NOP14: variants seen among roughly 807,000 people sequenced by gnomAD.
NOP14 encodes NOP14 nucleolar protein.
Under a neutral mutation model 101.6 loss-of-function variants are expected in NOP14, and 57 were observed. The observed-to-expected ratio is 0.56, with a 90% CI of 0.45 to 0.70. NOP14 has a LOEUF of 0.70. Ranked by LOEUF, NOP14 falls within the 30% of genes least tolerant of loss-of-function variation. The pLI is 0.00. For missense variants in NOP14, 1,134 were observed against 1,075.5 expected (o/e 1.05, Z -0.76); for synonymous variants, 428 against 424.0 (o/e 1.01, Z -0.12).
At chr4:2,946,867 C>T (rs544996638) in intron 10 of NOP14, 5 of 354,734 alleles carry the variant, frequency 1.4e-5, no homozygotes, top group South Asian at 1.4e-4. Flanking sequence ...TTATTCCTCA[C>T]GACAGGTACT....
intron 8 of NOP14, 79 bp from the exon 9 acceptor site, chr4:2,948,487 C>T (rs1714808704): frequency 8.6e-7 from 1 of 1,162,354 alleles, no homozygotes; most frequent in Non-Finnish European, 1.1e-6. Flanking sequence ...TGGAGTCTCG[C>T]TCTGTTGCCC....
chr4:2,949,853 G>T, intron 8 of NOP14, 81 bp downstream of exon 8: 1 of 1,527,676 alleles, frequency 6.5e-7, no homozygotes, highest in Non-Finnish European at 9.0e-7. Context: ...TGCAACCCCT[G>T]GGAGGGAGAC....
chr4:2,955,922 C>T (rs975184779), intron 3 of NOP14, among the ~76,000 whole-genome samples: 9 of 152,224 alleles, frequency 5.9e-5, no homozygotes, highest in African/African-American at 1.2e-4. Context: ...CAGGCTTTAA[C>T]GCCTTAACTT....
intron 1 of NOP14, 109 bp from the exon 2 acceptor site, chr4:2,957,849 A>G: frequency 9.0e-7 from 1 of 1,111,386 alleles, no homozygotes; most frequent in Admixed American, 2.6e-5. Flanking sequence ...CAGTGATGTC[A>G]AAGTTCACAC....
At chr4:2,951,373 CCTG>C (rs1715021099) in intron 6 of NOP14, 128 bp from the exon 7 acceptor site, 1 of 716,540 alleles carries the variant, frequency 1.4e-6, no homozygotes, top group African/African-American at 1.8e-5. Context: ...GTGCATCCAG[CCTG>C]CTTTCTGCCT....
chr4:2,960,199 T>G (rs1715634359), intron 1 of NOP14, among the ~76,000 whole-genome samples: 1 of 152,108 alleles, frequency 6.6e-6, no homozygotes, highest in African/African-American at 2.4e-5. Context: ...TTCGAACTCC[T>G]GAGCTCAGGC....
In NOP14 at chr4:2,953,758, G is replaced by A. The variant is rs186802430; in HGVS notation, c.613-113C>T. 49 of 1,181,808 alleles carry A rather than the reference G, an allele frequency of 4.1e-5. No individual in the cohort carries two copies. In the African/African-American group the frequency reaches 4.2e-4, roughly 10 times the overall value. 73.2% of individuals were successfully genotyped at this position (1,181,808 alleles called of 1,614,324 possible). A position where few individuals can be genotyped will look rare whatever the true frequency, so the allele number is the denominator to read the frequency against. ...AGTGATCACTCAGTTGGCACCAAAC[G>A]TTTCAACACAGAAAAGAGGCCAGGA... On this transcript the variant is annotated intron_variant, in intron 4 of 17. Coordinates refer to ENST00000416614, the MANE Select transcript of NOP14 (RefSeq NM_001291978.2).
chr4:2,947,775 T>G (rs773621032), intron 9 of NOP14, 164 bp from the exon 10 acceptor site: 8 of 627,934 alleles, frequency 1.3e-5, no homozygotes, highest in Non-Finnish European at 2.3e-5. Flanking sequence ...GCAAATACAC[T>G]GCTAGAACTT....
chr4:2,945,811 G>A (rs17778282), intron 11 of NOP14, among the ~76,000 whole-genome samples: 1 of 152,174 alleles, frequency 6.6e-6, no homozygotes, highest in South Asian at 2.1e-4. Flanking sequence ...ACCAAATACA[G>A]CACCATTCAC....
rs760431479 is a variant in NOP14 at position 2,942,299 on chromosome 4, G to A, written c.1944C>T (p.Leu648=). The part of the protein sequence containing the change: ...FRALGKNSEL[L]VVSAREDVAT... Reference sequence around the variant, plus strand: ...CCACATCCTCTCTAGCAGACACCACGAGCAGTTCCGAGTTCTTCCCAAGCG... The same window carrying A: ...CCACATCCTCTCTAGCAGACACCACAAGCAGTTCCGAGTTCTTCCCAAGCG... The change falls in exon 14 of 18, where the codon CTC becomes CTT. Residue 648 remains leucine, a synonymous_variant. Transcript: ENST00000416614. 4.4e-5 allele frequency: 71 copies of A among 1,614,002 alleles called. No individual in the cohort carries two copies. Among genetic ancestry groups the A allele is most frequent in the Non-Finnish European group, 5.3e-5 (63 of 1,180,030 alleles).
intron 12 of NOP14, 98 bp from the exon 13 acceptor site, chr4:2,944,324 G>C: frequency 9.3e-7 from 1 of 1,075,624 alleles, no homozygotes; most frequent in Non-Finnish European, 1.4e-6. Flanking sequence ...ACCCCACTGA[G>C]CTTCACAAGT....
At position 2,961,069 on chromosome 4, in the gene NOP14, T is replaced by C. The variant is rs1194562733; in HGVS notation, c.195+2056A>G. Among the ~76,000 whole-genome samples the C allele has an allele frequency of 3.5e-3, 400 of 115,524 alleles. 14 individuals are homozygous for C. Among genetic ancestry groups the C allele is most frequent in the African/African-American group, 0.014 (371 of 26,172 alleles). 75.8% of individuals were successfully genotyped at this position (115,524 alleles called of 152,430 possible). ...TATTAATACTACATCAATATTATAT[T>C]AATACTATATTAATATTATAATAAT... is the stretch of plus-strand genomic sequence containing the variant. On this transcript the variant is annotated intron_variant, in intron 1 of 17. Coordinates refer to ENST00000416614, the MANE Select transcript of NOP14 (RefSeq NM_001291978.2).
rs774204834 is a variant in NOP14 at position 2,953,588 on chromosome 4, C to G, written c.670G>C (p.Asp224His). The change falls in exon 5 of 18, where the codon GAC (aspartate) becomes CAC (histidine). Residue 224 changes from aspartate (D) to histidine (H), a missense_variant. By Grantham distance (81) the Asp-to-His change is moderately conservative (BLOSUM62 -1). Transcript: ENST00000416614. ...AGGAGAGTCTGAATTTCTTTCCAGTCTTGGTCTAGCTTCTCCGTGAGCTCG... is the reference window on the plus strand; with the variant it reads ...AGGAGAGTCTGAATTTCTTTCCAGTGTTGGTCTAGCTTCTCCGTGAGCTCG... ...ALELTEKLDQ[D>H]WKEIQTLLSH... The G allele has an allele frequency of 3.1e-6, 5 of 1,614,162 alleles. No homozygotes were observed. Among genetic ancestry groups the G allele is most frequent in the Non-Finnish European group, 3.4e-6 (4 of 1,180,050 alleles).
rs377084337 is a variant in NOP14 at position 2,959,907 on chromosome 4, T to C, written c.196-2167A>G. 1.9e-3 allele frequency among the ~76,000 whole-genome samples: 290 copies of C among 152,086 alleles called. 3 individuals are homozygous for C. Among genetic ancestry groups the C allele is most frequent in the South Asian group, 5.4e-3 (26 of 4,818 alleles). On this transcript the variant is annotated intron_variant, in intron 1 of 17. Transcript: ENST00000416614. ...CAATCAGATGGGAGCACATTACATG[T>C]GCTAGCCTGTACTGCTCGATGAACT...
In NOP14 at chr4:2,944,241, A is replaced by T. The variant is rs1560297326; in HGVS notation, c.1738-15T>A. ...AGGATGGGGCACTGGAAAGGAACAT[A>T]TGGGGGGTTACTGTCCTGGGACGAT... is the stretch of plus-strand genomic sequence containing the variant. On this transcript the variant is annotated splice_polypyrimidine_tract_variant and intron_variant, in intron 12 of 17. Transcript: ENST00000416614. 1 of 1,607,442 alleles carries T rather than the reference A, an allele frequency of 6.2e-7. No homozygotes were observed. Among genetic ancestry groups the T allele is most frequent in the East Asian group, 2.2e-5 (1 of 44,838 alleles).
In NOP14 at chr4:2,957,615, C is replaced by A. The variant is rs781747864; in HGVS notation, c.321G>T (p.Leu107=). Residue 107 remains leucine, a synonymous_variant, in exon 2 of 18, where the codon CTG becomes CTT. Coordinates refer to ENST00000416614, the MANE Select transcript of NOP14 (RefSeq NM_001291978.2). ...PEEKMMKRFA[L]EQQRHHEKKS... ...CAGTTTCTTTCCATACCTGCTGTTC[C>A]AGAGCAAACCTCTTCATCATCTTCT... 2 of 1,614,070 alleles carry A rather than the reference C, an allele frequency of 1.2e-6. No homozygotes were observed. The highest frequency in any genetic ancestry group is 1.7e-6 in the Non-Finnish European group (2 of 1,179,976).
At position 2,951,138 on chromosome 4, in the gene NOP14, A is replaced by G; in HGVS notation, c.978T>C (p.Asp326=). Residue 326 remains aspartate (D), a synonymous_variant, in exon 7 of 18, where the codon GAT becomes GAC. Transcript: ENST00000416614. ...CTTTGTAGGAAAGCAAACGCCTGTC[A>G]TCTTTATCTAGCACGAAGCCATCAT... ...DLNDGFVLDK[D]DRRLLSYKDG... 4 of 1,612,970 alleles carry G rather than the reference A, an allele frequency of 2.5e-6. No individual in the cohort carries two copies. In the South Asian group the frequency reaches 3.3e-5, roughly 13 times the overall value.
At position 2,957,639 on chromosome 4, in the gene NOP14, C is replaced by T; in HGVS notation, c.297G>A (p.Glu99=). ...GEYNSNMSPE[E]KMMKRFALEQ... is the part of the protein sequence containing the mutation. ...CCAGAGCAAACCTCTTCATCATCTT[C>T]TCCTCGGGGCTCATGTTGCTGTTGT... Residue 99 remains glutamate (E), a synonymous_variant, in exon 2 of 18, where the codon GAG becomes GAA. Coordinates refer to ENST00000416614, the MANE Select transcript of NOP14 (RefSeq NM_001291978.2). 2 of 1,614,192 alleles carry T rather than the reference C, an allele frequency of 1.2e-6. No individual in the cohort carries two copies. Among genetic ancestry groups the T allele is most frequent in the Non-Finnish European group, 1.7e-6 (2 of 1,180,026 alleles).
At chr4:2,942,017 G>T in intron 14 of NOP14, 175 bp downstream of exon 14, 2 of 668,742 alleles carry the variant, frequency 3.0e-6, no homozygotes, top group Non-Finnish European at 5.0e-6. Flanking sequence ...TTTTGAAAAT[G>T]AAAAGAAAAA....
Sources: gnomAD v4.1 joint callset for allele counts (sites outside exome capture counted in the v4.1 genomes callset) on GRCh38, gnomAD v4.1.1 for gene constraint, MANE v1.5 for transcripts, NCBI Gene and HGNC (gene_info 2026-07-23, HGNC 2026-07-21) for gene names.